The following CPNE4 variants were observed in gnomAD, a reference collection of about 807,000 sequenced individuals.
CPNE4 encodes copine-4.
Under a neutral mutation model 67.9 loss-of-function variants are expected in CPNE4, and 25 were observed. The observed-to-expected ratio is 0.37, with a 90% CI of 0.27 to 0.51. The LOEUF (loss-of-function observed/expected upper bound fraction) is 0.51, where lower values mean the gene tolerates loss of function less well. Among genes scored for constraint, CPNE4 ranks in the 20% least tolerant of loss-of-function variants. The probability of loss-of-function intolerance (pLI) is 0.93; values close to 1 mark genes in which losing one functional copy is unlikely to be tolerated. For missense variants in CPNE4, 464 were observed against 690.8 expected (o/e 0.67, Z 3.68); for synonymous variants, 242 against 244.9 (o/e 0.99, Z 0.11).
intron 1 of CPNE4, among the ~76,000 whole-genome samples, chr3:132,000,821 G>A (rs1297196977): frequency 6.7e-6 from 1 of 149,928 alleles, no homozygotes; most frequent in Non-Finnish European, 1.5e-5. Flanking sequence ...CCTTCAGCCT[G>A]AGCAATGGAG....
chr3:131,618,557 G>A (rs942809097), intron 7 of CPNE4, among the ~76,000 whole-genome samples: 1 of 152,124 alleles, frequency 6.6e-6, no homozygotes, highest in Non-Finnish European at 1.5e-5. Context: ...CAGTATCGGG[G>A]CTTTCTTGCA....
In CPNE4 at chr3:131,893,596, T is replaced by C. The variant is rs868322763; in HGVS notation, c.180+11668A>G. 1.5e-4 allele frequency among the ~76,000 whole-genome samples: 23 copies of C among 151,978 alleles called. No individual in the cohort carries two copies. In the South Asian group the frequency reaches 3.3e-3, roughly 22 times the overall value. On this transcript the variant is annotated intron_variant, in intron 2 of 15. Transcript: ENST00000429747. ...TAGGCCATAAAACAAGCCTTAAGCA[T>C]ATAAAGATCACATCAAGTATCCTTT...
chr3:131,955,422 T>TG (rs1161171813), intron 1 of CPNE4, among the ~76,000 whole-genome samples: 2 of 129,040 alleles, frequency 1.5e-5, no homozygotes, highest in African/African-American at 6.4e-5. Context: ...TTTTTTTTTT[T>TG]TTTTTTTTTT....
At chr3:131,672,230 T>C (rs534170235) in intron 6 of CPNE4, among the ~76,000 whole-genome samples, 37 of 152,200 alleles carry the variant, frequency 2.4e-4, no homozygotes, top group Non-Finnish European at 4.6e-4. Flanking sequence ...CATTCATCTA[T>C]TGATAGACTT....
intron 2 of CPNE4, among the ~76,000 whole-genome samples, chr3:131,777,993 T>G (rs2083331776): frequency 6.6e-6 from 1 of 152,074 alleles, no homozygotes; most frequent in Non-Finnish European, 1.5e-5. Context: ...CAAAACATAG[T>G]CTCCCAGCAG....
intron 2 of CPNE4, among the ~76,000 whole-genome samples, chr3:131,743,314 G>A (rs2107782718): frequency 6.6e-6 from 1 of 152,270 alleles, no homozygotes; most frequent in African/African-American, 2.4e-5. Flanking sequence ...AGGACCAGAT[G>A]GGTTCACAGC....
In CPNE4 at chr3:131,546,844, G is replaced by A. The variant is rs529964293; in HGVS notation, c.1302+3103C>T. Among the ~76,000 whole-genome samples the A allele has an allele frequency of 4.6e-5, 7 of 152,270 alleles. No homozygotes were observed. The East Asian group carries it at 9.6e-4, about 21-fold the overall frequency. ...TAGGGATGCCTTGGATGCTCTTGAG[G>A]ATAAGGGAGCTAAAGAGAATGGACA... On this transcript the variant is annotated intron_variant, in intron 14 of 15. Transcript: ENST00000429747.
chr3:131,897,203 A>G (rs1406329399), intron 2 of CPNE4, among the ~76,000 whole-genome samples: 1 of 152,040 alleles, frequency 6.6e-6, no homozygotes, highest in Non-Finnish European at 1.5e-5. Flanking sequence ...TGTCATGAAG[A>G]CAACATGGGT....
rs75302998 is a variant in CPNE4, at chr3:131,724,040, A to C, written c.181-415T>G. On this transcript the variant is annotated intron_variant, in intron 2 of 15. Transcript: ENST00000429747. ...GATTGATGCATTTCATGATTGATTC[A>C]ACCTTGTCCTGCCTAATGTGCCTGA... Among the ~76,000 whole-genome samples the C allele has an allele frequency of 8.2e-3, 1,243 of 152,220 alleles. 9 individuals are homozygous for C. The highest frequency in any genetic ancestry group is 0.029 in the African/African-American group (1,207 of 41,542).
chr3:131,982,285 A>G (rs2072927541), intron 1 of CPNE4, among the ~76,000 whole-genome samples: 3 of 152,356 alleles, frequency 2.0e-5, no homozygotes, highest in South Asian at 4.1e-4. Flanking sequence ...ATTTATGTAT[A>G]TAATTCAGTA....
intron 1 of CPNE4, among the ~76,000 whole-genome samples, chr3:131,906,795 A>C (rs1278195509): frequency 6.6e-6 from 1 of 151,670 alleles, no homozygotes; most frequent in Non-Finnish European, 1.5e-5. Flanking sequence ...GTCAAATGGT[A>C]TTTCCAGTTC....
At chr3:131,729,813 A>G (rs574973826) in intron 2 of CPNE4, among the ~76,000 whole-genome samples, 3 of 152,306 alleles carry the variant, frequency 2.0e-5, no homozygotes, top group Non-Finnish European at 4.4e-5. Context: ...ACTAGTTCCT[A>G]GGACTAAAAA....
intron 5 of CPNE4, among the ~76,000 whole-genome samples, chr3:131,690,848 C>A (rs2081017737): frequency 6.6e-6 from 1 of 151,248 alleles, no homozygotes; most frequent in Admixed American, 6.6e-5. Flanking sequence ...TTAAACAATT[C>A]AATAAGCAAA....
At chr3:131,575,517 T>C (rs1937529163) in intron 9 of CPNE4, among the ~76,000 whole-genome samples, 2 of 152,138 alleles carry the variant, frequency 1.3e-5, no homozygotes, top group South Asian at 4.1e-4. Flanking sequence ...GTGACATTCT[T>C]AATATGCAGG....
At chr3:131,736,018 G>A (rs2082225262) in intron 2 of CPNE4, among the ~76,000 whole-genome samples, 1 of 152,116 alleles carries the variant, frequency 6.6e-6, no homozygotes, top group Non-Finnish European at 1.5e-5. Flanking sequence ...AGATAGCTGG[G>A]TTTCTTCACA....
chr3:131,540,651 G>A (rs1935431977), intron 15 of CPNE4, among the ~76,000 whole-genome samples: 1 of 152,204 alleles, frequency 6.6e-6, no homozygotes, highest in South Asian at 2.1e-4. Context: ...GGAGTCAGAT[G>A]TGTCTGGATA....
At chr3:131,787,145 T>C (rs2083588518) in intron 2 of CPNE4, among the ~76,000 whole-genome samples, 1 of 152,188 alleles carries the variant, frequency 6.6e-6, no homozygotes, top group African/African-American at 2.4e-5. Context: ...TTCTCCTGGG[T>C]CTCCAGAATT....
chr3:131,651,372 G>A (rs1483405726), intron 7 of CPNE4, among the ~76,000 whole-genome samples: 1 of 152,180 alleles, frequency 6.6e-6, no homozygotes, highest in African/African-American at 2.4e-5. Context: ...TAAATCTCAG[G>A]AAAGTCGTTG....
At chr3:131,899,504 T>C (rs542106585) in intron 2 of CPNE4, among the ~76,000 whole-genome samples, 1 of 152,202 alleles carries the variant, frequency 6.6e-6, no homozygotes, top group South Asian at 2.1e-4. Context: ...GATTCAAGTT[T>C]GCAACCTTTG....
Sources: allele counts gnomAD v4.1 joint callset (sites outside exome capture counted in the v4.1 genomes callset), GRCh38; gene constraint gnomAD v4.1.1; transcripts MANE v1.5; gene names NCBI Gene and HGNC (gene_info 2026-07-23, HGNC 2026-07-21).